The following TBC1D19 variants were observed in gnomAD, a reference collection of about 807,000 sequenced individuals.
The protein encoded by TBC1D19 is TBC1 domain family member 19, also known as TBC1 domain family, member 19.
Under a neutral mutation model 89.0 loss-of-function variants are expected in TBC1D19, and 60 were observed. The observed-to-expected ratio is 0.67, with a 90% confidence interval of 0.55 to 0.84. TBC1D19 has a LOEUF of 0.84. Ranked by LOEUF, TBC1D19 falls within the 40% of genes least tolerant of loss-of-function variation. The probability of loss-of-function intolerance (pLI) is 0.00; values close to 1 mark genes in which losing one functional copy is unlikely to be tolerated. For missense variants in TBC1D19, 500 were observed against 610.8 expected (o/e 0.82, Z 1.91); for synonymous variants, 189 against 199.7 (o/e 0.95, Z 0.45).
intron 1 of TBC1D19, among the ~76,000 whole-genome samples, chr4:26,598,000 G>A (rs895344057): frequency 2.6e-5 from 4 of 152,034 alleles, no homozygotes; most frequent in Admixed American, 1.3e-4. Context: ...TTAGAACAAT[G>A]TACTCACCCC....
At chr4:26,734,729 T>C (rs931837364) in intron 15 of TBC1D19, among the ~76,000 whole-genome samples, 2 of 152,184 alleles carry the variant, frequency 1.3e-5, no homozygotes, top group African/African-American at 4.8e-5. Context: ...AGCTCACTTA[T>C]CTTTTAGCAT....
intron 7 of TBC1D19, among the ~76,000 whole-genome samples, chr4:26,654,857 G>A (rs1158651338): frequency 1.3e-5 from 2 of 152,076 alleles, no homozygotes; most frequent in Non-Finnish European, 2.9e-5. Flanking sequence ...ATCTTCTGAA[G>A]GCTTCTTCTC....
intron 11 of TBC1D19, among the ~76,000 whole-genome samples, chr4:26,674,890 A>G (rs1712653872): frequency 6.6e-6 from 1 of 152,034 alleles, no homozygotes; most frequent in Admixed American, 6.6e-5. Context: ...TAATATTGTT[A>G]TAAAAACTAT....
chr4:26,800,313 T>C, the TBC1D19 span, among the ~76,000 whole-genome samples: 1 of 152,230 alleles, frequency 6.6e-6, no homozygotes, highest in Non-Finnish European at 1.5e-5. Context: ...GTTTCATCCA[T>C]ATCCCTACAA....
At chr4:26,612,375 T>C (rs1453613049) in intron 1 of TBC1D19, among the ~76,000 whole-genome samples, 3 of 151,856 alleles carry the variant, frequency 2.0e-5, no homozygotes, top group Non-Finnish European at 4.4e-5. Flanking sequence ...ATCTGGTAAA[T>C]GGTAATTTTA....
chr4:26,690,759 C>G (rs1480955374), intron 13 of TBC1D19, among the ~76,000 whole-genome samples: 1 of 152,190 alleles, frequency 6.6e-6, no homozygotes, highest in Non-Finnish European at 1.5e-5. Flanking sequence ...CACATATTCA[C>G]CCAAAATCTC....
chr4:26,752,883 C>T lies in TBC1D19; in HGVS notation c.1436-937C>T, dbSNP rs554626721. On this transcript the variant is annotated intron_variant, in intron 19 of 20. Coordinates refer to ENST00000264866, the MANE Select transcript of TBC1D19 (RefSeq NM_018317.4). ...GCCATGTTGCCCAGGCTGTCAAACT[C>T]CTGAGCTCAAGACACTTCTCCTGCC... 2.6e-5 allele frequency among the ~76,000 whole-genome samples: 4 copies of T among 152,204 alleles called. No individual in the cohort carries two copies. The East Asian group carries it at 5.8e-4, about 22-fold the overall frequency.
chr4:26,697,400 C>A (rs1355143704), intron 13 of TBC1D19, among the ~76,000 whole-genome samples: 5 of 152,048 alleles, frequency 3.3e-5, no homozygotes, highest in Admixed American at 3.3e-4. Flanking sequence ...AGTCCAGGAC[C>A]AGGGGGATTC....
chr4:26,673,446 TACACACACAC>T (rs61054571), intron 10 of TBC1D19, among the ~76,000 whole-genome samples: 16 of 90,884 alleles, frequency 1.8e-4, no homozygotes, highest in Admixed American at 2.9e-4. Context: ...TATATATATA[TACACACACAC>T]ACACACACAC....
At chr4:26,619,724 A>G (rs959933057) in intron 3 of TBC1D19, among the ~76,000 whole-genome samples, 1 of 152,192 alleles carries the variant, frequency 6.6e-6, no homozygotes, top group African/African-American at 2.4e-5. Context: ...GAAATAATCA[A>G]TTTGTGAAGC....
intron 7 of TBC1D19, among the ~76,000 whole-genome samples, chr4:26,644,087 A>T (rs113588748): frequency 0.01 from 1,557 of 152,334 alleles, 17 homozygotes; most frequent in African/African-American, 0.033. Flanking sequence ...CACCAGCATC[A>T]TCCGGATACC....
At chr4:26,637,396 A>G in intron 5 of TBC1D19, 111 bp downstream of exon 5, 3 of 916,674 alleles carry the variant, frequency 3.3e-6, no homozygotes, top group Admixed American at 2.7e-5. Flanking sequence ...ATTTAGAGAC[A>G]GAGTCTTGCT....
chr4:26,771,481 A>G, the TBC1D19 span, among the ~76,000 whole-genome samples: 72,612 of 152,000 alleles, frequency 0.48, 19,345 homozygotes, highest in Admixed American at 0.63. Context: ...ATGGAATATT[A>G]TTCAGCCTTA....
At chr4:26,661,506 C>A (rs891318066) in intron 8 of TBC1D19, among the ~76,000 whole-genome samples, 14 of 152,114 alleles carry the variant, frequency 9.2e-5, no homozygotes, top group African/African-American at 3.4e-4. Flanking sequence ...TTTATTACCT[C>A]ATTTCTAAAT....
the TBC1D19 span, among the ~76,000 whole-genome samples, chr4:26,774,577 G>A: frequency 6.6e-6 from 1 of 152,116 alleles, no homozygotes; most frequent in African/African-American, 2.4e-5. Flanking sequence ...TATAAGTGCT[G>A]TTGTTTAATT....
At chr4:26,778,113 G>A in the TBC1D19 span, among the ~76,000 whole-genome samples, 1 of 149,220 alleles carries the variant, frequency 6.7e-6, no homozygotes, top group Non-Finnish European at 1.5e-5. Context: ...TGGAGGGAGA[G>A]AGAGAGAAGG....
chr4:26,813,981 C>A, the TBC1D19 span, among the ~76,000 whole-genome samples: 1 of 152,196 alleles, frequency 6.6e-6, no homozygotes, highest in Non-Finnish European at 1.5e-5. Context: ...CACACTCCAA[C>A]ACTCAGAGAG....
At chr4:26,644,818 T>G (rs905019067) in intron 7 of TBC1D19, among the ~76,000 whole-genome samples, 2 of 152,170 alleles carry the variant, frequency 1.3e-5, no homozygotes, top group Non-Finnish European at 2.9e-5. Flanking sequence ...AACTCCCATT[T>G]ACAATTGCTA....
chr4:26,596,281 ATAGAAGTATTTG>A (rs1740205422), intron 1 of TBC1D19, among the ~76,000 whole-genome samples: 1 of 152,168 alleles, frequency 6.6e-6, no homozygotes, highest in Admixed American at 6.6e-5. Flanking sequence ...TTTGATAGAT[ATAGAAGTATTTG>A]GATTTTCTAT....
Sources: gnomAD v4.1 joint callset for allele counts (sites outside exome capture counted in the v4.1 genomes callset) on GRCh38, gnomAD v4.1.1 for gene constraint, MANE v1.5 for transcripts, NCBI Gene and HGNC (gene_info 2026-07-23, HGNC 2026-07-21) for gene names.